Variants in BANK1 observed in about 807,000 individuals in gnomAD.
BANK1 encodes B cell scaffold protein with ankyrin repeats 1.
BANK1 carries 95 observed loss-of-function variants against 94.5 expected under a neutral mutation model. The ratio of observed to expected loss-of-function variants is 1.00; its 90% CI spans 0.85 to 1.19. BANK1 has a LOEUF of 1.19. BANK1 is among the 50% of genes most tolerant of loss of function. The pLI, the probability that BANK1 is intolerant of heterozygous loss-of-function variation, is 0.00. For missense variants in BANK1, 987 were observed against 932.2 expected, an observed-to-expected ratio of 1.06 and a Z score of -0.77; for synonymous variants, 334 against 308.4, an observed-to-expected ratio of 1.08 and a Z score of -0.87.
chr4:101,876,887 G>A (rs943903227), intron 5 of BANK1, among the ~76,000 whole-genome samples: 3 of 152,098 alleles, frequency 2.0e-5, no homozygotes, highest in Non-Finnish European at 4.4e-5. Context: ...TTCTGGAGCT[G>A]AAAAATGAAG....
intron 6 of BANK1, among the ~76,000 whole-genome samples, chr4:101,917,423 A>T (rs1400743829): frequency 2.6e-5 from 4 of 151,992 alleles, no homozygotes; most frequent in South Asian, 2.1e-4. Context: ...AGACATTGAT[A>T]AAAAAGTTGT....
At chr4:101,962,482 T>G (rs1269182180) in intron 7 of BANK1, among the ~76,000 whole-genome samples, 1 of 152,190 alleles carries the variant, frequency 6.6e-6, no homozygotes, top group Admixed American at 6.6e-5. Flanking sequence ...AAATCTCCAC[T>G]GACCAACAAT....
chr4:102,031,761 G>A (rs762997473), intron 10 of BANK1, among the ~76,000 whole-genome samples: 2 of 152,008 alleles, frequency 1.3e-5, no homozygotes, highest in Admixed American at 1.3e-4. Flanking sequence ...ATCCACCTAA[G>A]AGAAACATAA....
intron 2 of BANK1, among the ~76,000 whole-genome samples, chr4:101,849,258 A>G (rs979068584): frequency 2.0e-5 from 3 of 152,170 alleles, no homozygotes; most frequent in African/African-American, 7.2e-5. Flanking sequence ...CAGTTGATAT[A>G]CAATAATGCA....
intron 7 of BANK1, among the ~76,000 whole-genome samples, chr4:101,937,586 AACAACAG>A (rs1459631295): frequency 6.6e-6 from 1 of 151,918 alleles, no homozygotes; most frequent in Non-Finnish European, 1.5e-5. Context: ...AAAGTCAGGA[AACAACAG>A]ATGTGGAGAG....
chr4:101,917,622 A>G (rs1158676696), intron 6 of BANK1, among the ~76,000 whole-genome samples: 1 of 152,112 alleles, frequency 6.6e-6, no homozygotes, highest in East Asian at 1.9e-4. Context: ...AAATTATTTT[A>G]TAGATGAACT....
intron 5 of BANK1, among the ~76,000 whole-genome samples, chr4:101,879,994 G>C (rs559260127): frequency 1.3e-5 from 2 of 152,106 alleles, no homozygotes; most frequent in South Asian, 4.1e-4. Flanking sequence ...TACTGAATGG[G>C]TAAAAACTCA....
chr4:101,916,951 C>A (rs553341071), intron 6 of BANK1, among the ~76,000 whole-genome samples: 2 of 152,032 alleles, frequency 1.3e-5, no homozygotes, highest in Middle Eastern at 6.8e-3. Flanking sequence ...ACATGCTAAA[C>A]GTTTATTGTA....
chr4:101,801,771 A>T (rs1725362666), intron 1 of BANK1, among the ~76,000 whole-genome samples: 1 of 152,226 alleles, frequency 6.6e-6, no homozygotes, highest in South Asian at 2.1e-4. Flanking sequence ...ACCACATTAC[A>T]TATTTAAAAT....
chr4:101,808,886 T>C (rs1271195910), intron 1 of BANK1, among the ~76,000 whole-genome samples: 1 of 152,202 alleles, frequency 6.6e-6, no homozygotes, highest in Non-Finnish European at 1.5e-5. Flanking sequence ...TGAACACTTT[T>C]ACACTGGTAG....
chr4:101,849,964 GGAAA>G (rs1727409737), intron 2 of BANK1, among the ~76,000 whole-genome samples: 1 of 152,092 alleles, frequency 6.6e-6, no homozygotes, highest in African/African-American at 2.4e-5. Flanking sequence ...TGTTAGAAGA[GGAAA>G]GAAAGATTCT....
intron 7 of BANK1, among the ~76,000 whole-genome samples, chr4:101,977,381 C>T (rs1376153528): frequency 6.6e-6 from 1 of 152,116 alleles, no homozygotes; most frequent in African/African-American, 2.4e-5. Flanking sequence ...ATGATGTGCC[C>T]AAAAGAGGAG....
chr4:101,895,334 T>TA lies in BANK1; in HGVS notation c.934dup (p.Thr312AsnfsTer7). The TA allele has an allele frequency of 6.3e-7, 1 of 1,593,830 alleles. No homozygotes were observed. The highest frequency in any genetic ancestry group is 8.5e-7 in the Non-Finnish European group (1 of 1,170,004). On this transcript the variant is annotated frameshift_variant, in exon 6 of 17. Transcript: ENST00000322953. LOFTEE classifies it high-confidence loss of function. ...GCATTGAAGAACTTGATGGTGTCCTTACATCCATATTCAAACATGAGATAC... is the reference window on the plus strand; with the variant it reads ...GCATTGAAGAACTTGATGGTGTCCTTAACATCCATATTCAAACATGAGATAC...
At chr4:101,890,666 A>G (rs1721830425) in intron 5 of BANK1, among the ~76,000 whole-genome samples, 1 of 149,296 alleles carries the variant, frequency 6.7e-6, no homozygotes, top group Admixed American at 6.7e-5. Flanking sequence ...GTTAAATCAT[A>G]TTTTTAAATC....
intron 1 of BANK1, among the ~76,000 whole-genome samples, chr4:101,791,349 G>T (rs1003870199): frequency 6.6e-6 from 1 of 152,162 alleles, no homozygotes; most frequent in Admixed American, 6.5e-5. Flanking sequence ...CAGAAAAACC[G>T]CTCATGTGTA....
chr4:101,968,640 G>C (rs929556098), intron 7 of BANK1, among the ~76,000 whole-genome samples: 2 of 151,958 alleles, frequency 1.3e-5, no homozygotes, highest in African/African-American at 4.8e-5. Flanking sequence ...AAGTACAAGG[G>C]CACTGCTGAA....
chr4:101,824,073 C>T (rs1726274964), intron 1 of BANK1, among the ~76,000 whole-genome samples: 1 of 152,200 alleles, frequency 6.6e-6, no homozygotes, highest in African/African-American at 2.4e-5. Flanking sequence ...TTGGGACTCT[C>T]TGGTTACTGT....
chr4:102,042,007 A>G lies in BANK1; in HGVS notation c.1901-1832A>G, dbSNP rs10008178. Among the ~76,000 whole-genome samples the G allele has an allele frequency of 7.9e-4, 120 of 152,166 alleles. 1 individual carries two copies. The highest frequency in any genetic ancestry group is 2.8e-3 in the African/African-American group (115 of 41,552). On this transcript the variant is annotated intron_variant, in intron 10 of 16. Coordinates refer to ENST00000322953, the MANE Select transcript of BANK1 (RefSeq NM_017935.5). ...CAGAATTTTAAAAACTTATCAATTA[A>G]TGTAATTTTTATTTGAAGAATTTAT...
chr4:101,870,516 G>A lies in BANK1; in HGVS notation c.775G>A (p.Gly259Ser), dbSNP rs1728242804. 2 of 1,611,322 alleles carry A rather than the reference G, an allele frequency of 1.2e-6. No individual in the cohort carries two copies. The highest frequency in any genetic ancestry group is 1.7e-6 in the Non-Finnish European group (2 of 1,178,662). ...TTGTTTTTCATAAGAGTTTCCTGCT[G>A]GTTCAGTCCATGTCAATGTCTACTG... is the stretch of plus-strand genomic sequence containing the variant. ...WCMKALEFPA[G>S]SVHVNVYCDG... The change falls in exon 5 of 17, where the codon GGT (glycine) becomes AGT (serine). Residue 259 changes from glycine (G) to serine (S), a missense_variant. Transcript: ENST00000322953.
Sources: gnomAD v4.1 joint callset for allele counts (sites outside exome capture counted in the v4.1 genomes callset) on GRCh38, gnomAD v4.1.1 for gene constraint, MANE v1.5 for transcripts, NCBI Gene and HGNC (gene_info 2026-07-23, HGNC 2026-07-21) for gene names.